HECTD4: variants seen among roughly 807,000 people sequenced by gnomAD.
HECTD4 encodes probable E3 ubiquitin-protein ligase HECTD4.
Under a neutral mutation model 471.5 loss-of-function variants are expected in HECTD4, and 114 were observed. The observed-to-expected ratio is 0.24, with a 90% CI of 0.21 to 0.28. The LOEUF is 0.28. Ranked by LOEUF, HECTD4 falls within the 10% of genes least tolerant of loss-of-function variation. HECTD4 has a pLI of 1.00. For missense variants in HECTD4, 3,866 were observed against 5,651.5 expected (o/e 0.68, Z 10.13); for synonymous variants, 2,012 against 2,256.0 (o/e 0.89, Z 3.07).
At chr12:112,237,173 A>G in intron 34 of HECTD4, 75 bp from the exon 35 acceptor site, 3 of 1,329,696 alleles carry the variant, frequency 2.3e-6, no homozygotes, top group Non-Finnish European at 3.0e-6. Flanking sequence ...GGGGGCGGCG[A>G]GCCCTGTCCA....
chr12:112,252,303 G>C, intron 23 of HECTD4, 121 bp downstream of exon 23: 1 of 1,018,046 alleles, frequency 9.8e-7, no homozygotes, highest in Non-Finnish European at 1.4e-6. Flanking sequence ...GTGCCAACTA[G>C]AAGAGAAAGA....
intron 1 of HECTD4, among the ~76,000 whole-genome samples, chr12:112,339,573 G>A (rs1425400901): frequency 1.3e-5 from 2 of 152,018 alleles, no homozygotes; most frequent in Non-Finnish European, 2.9e-5. Context: ...AGGATCACAG[G>A]AAAATAAGGG....
intron 6 of HECTD4, among the ~76,000 whole-genome samples, chr12:112,306,906 G>A (rs925186890): frequency 6.6e-6 from 1 of 152,154 alleles, no homozygotes; most frequent in African/African-American, 2.4e-5. Flanking sequence ...AAACATGAAG[G>A]CATGTGTTTC....
chr12:112,361,176 T>A (rs1255294015), intron 1 of HECTD4, among the ~76,000 whole-genome samples: 1 of 152,172 alleles, frequency 6.6e-6, no homozygotes, highest in Non-Finnish European at 1.5e-5. Flanking sequence ...ATAACAGGTA[T>A]TTTAACCACA....
chr12:112,178,786 C>A (rs2031556983), intron 64 of HECTD4, 145 bp downstream of exon 64: 6 of 932,554 alleles, frequency 6.4e-6, no homozygotes, highest in Non-Finnish European at 9.3e-6. Flanking sequence ...CGGGCCGCTG[C>A]ACTCCAGCCT....
At position 112,212,470 on chromosome 12, in the gene HECTD4, C is replaced by T; in HGVS notation, c.7629+17G>A. ...ATGAAGGAGAATTTGTTTTCCTTTC[C>T]CAACAAGGTAACCTGCCTTTTTCTG... On this transcript the variant is annotated intron_variant, in intron 49 of 75. Coordinates refer to ENST00000682272, the MANE Select transcript of HECTD4 (RefSeq NM_001388303.1). 6.3e-7 allele frequency: 1 copy of T among 1,595,778 alleles called. No individual in the cohort carries two copies. Among genetic ancestry groups the T allele is most frequent in the Non-Finnish European group, 8.6e-7 (1 of 1,167,424 alleles).
At chr12:112,236,773 C>G (rs1036605633) in intron 35 of HECTD4, among the ~76,000 whole-genome samples, 172 bp downstream of exon 35, 2 of 152,120 alleles carry the variant, frequency 1.3e-5, no homozygotes, top group African/African-American at 4.8e-5. Flanking sequence ...TATTTTGGAA[C>G]TAAATACTAT....
At chr12:112,320,375 T>C (rs1185929784) in intron 1 of HECTD4, among the ~76,000 whole-genome samples, 1 of 150,550 alleles carries the variant, frequency 6.6e-6, no homozygotes, top group Non-Finnish European at 1.5e-5. Context: ...AATTGAAGCA[T>C]AAACCTTTAG....
intron 1 of HECTD4, among the ~76,000 whole-genome samples, chr12:112,340,243 C>T (rs773710395): frequency 6.6e-5 from 10 of 152,154 alleles, no homozygotes; most frequent in Non-Finnish European, 1.0e-4. Flanking sequence ...CTGATAAGCA[C>T]GAAATGGTTT....
intron 1 of HECTD4, among the ~76,000 whole-genome samples, chr12:112,380,380 G>C (rs988847793): frequency 2.6e-5 from 4 of 152,084 alleles, no homozygotes; most frequent in African/African-American, 9.7e-5. Flanking sequence ...GGGAGGCAGA[G>C]GCTGCAGTGG....
Position 112,176,582 on chromosome 12 carries a change from G to C in HECTD4, c.11470+14C>G. ...TAGGTCCCAGCCCACTCCAGGCCCC[G>C]TCTGCTCATTCACCTTCTTGTTTTT... On this transcript the variant is annotated intron_variant, in intron 65 of 75. Coordinates refer to ENST00000682272, the MANE Select transcript of HECTD4 (RefSeq NM_001388303.1). The C allele has an allele frequency of 1.3e-6, 2 of 1,582,718 alleles. No individual in the cohort carries two copies. The highest frequency in any genetic ancestry group is 1.7e-6 in the Non-Finnish European group (2 of 1,151,342).
intron 55 of HECTD4, among the ~76,000 whole-genome samples, chr12:112,197,357 T>C (rs2032277795): frequency 6.6e-6 from 1 of 152,162 alleles, no homozygotes; most frequent in African/African-American, 2.4e-5. Context: ...TCTTGCTCTG[T>C]TGCCCAGGTT....
rs2033468337 is a variant in HECTD4 at position 112,235,070 on chromosome 12, T to C, written c.5915+7A>G. 10 of 1,558,378 alleles carry C rather than the reference T, an allele frequency of 6.4e-6. No homozygotes were observed. The highest frequency in any genetic ancestry group is 8.7e-6 in the Non-Finnish European group (10 of 1,150,500). On this transcript the variant is annotated splice_region_variant and intron_variant, in intron 37 of 75. Coordinates refer to ENST00000682272, the MANE Select transcript of HECTD4 (RefSeq NM_001388303.1). This position sits in a 1 kb window ranked among gnomAD's most constrained non-coding sequence, Gnocchi z 5.0. ...GGATGTGTAGCTATCACAATCATTA[T>C]GGTCACCTTAGCAATGGCTGGAGGA...
chr12:112,280,623 A>G (rs2034616711), intron 8 of HECTD4, among the ~76,000 whole-genome samples: 2 of 151,930 alleles, frequency 1.3e-5, no homozygotes, highest in Admixed American at 6.6e-5. Flanking sequence ...TTCATTAAGG[A>G]CATAAATTCA....
chr12:112,263,749 A>G (rs1383656263), intron 17 of HECTD4, among the ~76,000 whole-genome samples: 10 of 151,506 alleles, frequency 6.6e-5, no homozygotes, highest in Admixed American at 2.6e-4. Context: ...ACACACACAC[A>G]CATACACATA....
At chr12:112,328,466 T>C (rs1047083132) in intron 1 of HECTD4, among the ~76,000 whole-genome samples, 2 of 152,196 alleles carry the variant, frequency 1.3e-5, no homozygotes, top group Non-Finnish European at 2.9e-5. Flanking sequence ...AAAGGCAGAA[T>C]ACTGAAACCC....
chr12:112,254,592 T>C (rs1255022014), intron 21 of HECTD4, among the ~76,000 whole-genome samples: 1 of 152,130 alleles, frequency 6.6e-6, no homozygotes, highest in Admixed American at 6.5e-5. Context: ...GATGGAAATA[T>C]GGTTATATCT....
chr12:112,375,433 G>A (rs2036758439), intron 1 of HECTD4, among the ~76,000 whole-genome samples: 1 of 152,140 alleles, frequency 6.6e-6, no homozygotes, highest in Non-Finnish European at 1.5e-5. Context: ...AATATGAGAA[G>A]CACTAACCAA....
chr12:112,167,271 G>A (rs1256677153), intron 72 of HECTD4, 46 bp downstream of exon 72: 1 of 1,529,720 alleles, frequency 6.5e-7, no homozygotes, highest in Non-Finnish European at 8.9e-7. Flanking sequence ...AGGTGGCGGG[G>A]AGGCCCCGGG....
Sources: allele counts gnomAD v4.1 joint callset (sites outside exome capture counted in the v4.1 genomes callset), GRCh38; gene constraint gnomAD v4.1.1; non-coding constraint Gnocchi (gnomAD v3.1); transcripts MANE v1.5; gene names NCBI Gene and HGNC (gene_info 2026-07-23, HGNC 2026-07-21).